Variants in SLC38A1 observed in about 807,000 individuals in gnomAD.
The protein encoded by SLC38A1 is sodium-coupled neutral amino acid symporter 1.
In SLC38A1, 18 loss-of-function variants were observed where a neutral mutation model predicts 60.3. The observed-to-expected ratio is 0.30, with a 90% CI of 0.21 to 0.44. SLC38A1 has a LOEUF of 0.44. Among genes scored for constraint, SLC38A1 ranks in the 20% least tolerant of loss-of-function variants. The pLI is 1.00. For missense variants in SLC38A1, 448 were observed against 587.2 expected (o/e 0.76, Z 2.45); for synonymous variants, 196 against 212.1 (o/e 0.92, Z 0.66).
intron 5 of SLC38A1, among the ~76,000 whole-genome samples, chr12:46,217,980 G>A (rs1297826652): frequency 2.0e-5 from 3 of 152,188 alleles, no homozygotes; most frequent in South Asian, 2.1e-4. Flanking sequence ...ATGCATTGCT[G>A]ATGGCCAATT....
At chr12:46,252,698 T>A (rs1331779233) in intron 1 of SLC38A1, among the ~76,000 whole-genome samples, 1 of 152,020 alleles carries the variant, frequency 6.6e-6, no homozygotes, top group Non-Finnish European at 1.5e-5. Flanking sequence ...CATATATATA[T>A]ATAATTGTTG....
chr12:46,258,385 T>C (rs902693789), intron 1 of SLC38A1, among the ~76,000 whole-genome samples: 1 of 152,204 alleles, frequency 6.6e-6, no homozygotes, highest in Non-Finnish European at 1.5e-5. Flanking sequence ...GATTTTGGAA[T>C]ATTTGCATAC....
chr12:46,252,612 A>G (rs1460044719), intron 1 of SLC38A1, among the ~76,000 whole-genome samples: 2 of 151,956 alleles, frequency 1.3e-5, no homozygotes. Flanking sequence ...GTTAGAAAAT[A>G]CAATTTTTCA....
At chr12:46,235,978 G>T (rs1941245624) in intron 3 of SLC38A1, among the ~76,000 whole-genome samples, 1 of 152,168 alleles carries the variant, frequency 6.6e-6, no homozygotes, top group East Asian at 1.9e-4. Context: ...AAAACCTAGA[G>T]CAATGTCATT....
At chr12:46,239,384 G>A (rs1385290761) in intron 3 of SLC38A1, 1 of 194,292 alleles carries the variant, frequency 5.1e-6, no homozygotes, top group Non-Finnish European at 1.1e-5. Context: ...TAGTGCAGTG[G>A]CATGATCTCG....
At position 46,207,249 on chromosome 12, in the gene SLC38A1, G is replaced by T; in HGVS notation, c.482-13C>A. The T allele has an allele frequency of 6.2e-7, 1 of 1,603,290 alleles. No individual in the cohort carries two copies. The highest frequency in any genetic ancestry group is 8.5e-7 in the Non-Finnish European group (1 of 1,172,624). ...TAGCTCAGCATTGCTGAAGGAAAAT[G>T]AGAACATTTTTAGAAAGAAGATACG... On this transcript the variant is annotated splice_polypyrimidine_tract_variant and intron_variant, in intron 7 of 16. Coordinates refer to ENST00000398637, the MANE Select transcript of SLC38A1 (RefSeq NM_030674.4).
At chr12:46,247,536 G>C (rs966484296) in intron 1 of SLC38A1, among the ~76,000 whole-genome samples, 3 of 152,222 alleles carry the variant, frequency 2.0e-5, no homozygotes, top group Non-Finnish European at 2.9e-5. Flanking sequence ...GGGACTATGT[G>C]AAGAGACCAA....
intron 16 of SLC38A1, chr12:46,196,126 A>C: frequency 6.5e-7 from 1 of 1,534,492 alleles, no homozygotes; most frequent in Non-Finnish European, 8.7e-7. Flanking sequence ...GTGAGAACAG[A>C]CTAATACAGA....
Position 46,249,155 on chromosome 12 carries a change from CA to C in SLC38A1, c.-208-5842del, listed in dbSNP as rs59948188. On this transcript the variant is annotated intron_variant, in intron 1 of 16. Coordinates refer to ENST00000398637, the MANE Select transcript of SLC38A1 (RefSeq NM_030674.4). ...AGGGTGATAGAGTGAGACTCCGCCTCAAAAAAAAAAAAAAAAAAAAGAAACT... is the reference window on the plus strand; with the variant it reads ...AGGGTGATAGAGTGAGACTCCGCCTCAAAAAAAAAAAAAAAAAAAGAAACT... Among the ~76,000 whole-genome samples the C allele has an allele frequency of 3.1e-3, 142 of 46,510 alleles. 1 individual carries two copies. Among genetic ancestry groups the C allele is most frequent in the Middle Eastern group, 9.6e-3 (1 of 104 alleles). 30.5% of individuals were successfully genotyped at this position (46,510 alleles called of 152,430 possible). A position where few individuals can be genotyped will look rare whatever the true frequency, so the allele number is the denominator to read the frequency against.
chr12:46,210,616 C>T (rs953686083), intron 5 of SLC38A1, among the ~76,000 whole-genome samples: 1 of 152,010 alleles, frequency 6.6e-6, no homozygotes, highest in African/African-American at 2.4e-5. Flanking sequence ...TTGGGAGGGA[C>T]CCGGTGGGAG....
intron 16 of SLC38A1, among the ~76,000 whole-genome samples, chr12:46,190,417 G>A (rs1007137544): frequency 7.2e-5 from 11 of 152,288 alleles, no homozygotes; most frequent in South Asian, 2.1e-4. Context: ...TGTCTTTATA[G>A]TAGCATGATT....
At chr12:46,189,168 G>T in intron 16 of SLC38A1, 97 bp from the exon 17 acceptor site, 1 of 785,070 alleles carries the variant, frequency 1.3e-6, no homozygotes. Flanking sequence ...CTCTCCCTTT[G>T]TGTCCTCTGG....
intron 13 of SLC38A1, among the ~76,000 whole-genome samples, chr12:46,200,534 G>A (rs950044059): frequency 2.0e-5 from 3 of 152,042 alleles, no homozygotes; most frequent in Non-Finnish European, 2.9e-5. Context: ...AGCAGTAAAC[G>A]CCGGTAAACT....
chr12:46,260,808 TAC>T (rs888170899), intron 1 of SLC38A1, among the ~76,000 whole-genome samples: 3 of 152,176 alleles, frequency 2.0e-5, no homozygotes, highest in Non-Finnish European at 4.4e-5. Context: ...CCTTATTCCT[TAC>T]AGTTTCACAG....
At chr12:46,265,903 C>A (rs368819456) in intron 1 of SLC38A1, among the ~76,000 whole-genome samples, 2 of 152,232 alleles carry the variant, frequency 1.3e-5, no homozygotes, top group East Asian at 3.9e-4. Flanking sequence ...TCATATGTCT[C>A]CAAGTCTAGG....
rs1940015264 is a variant in SLC38A1 at position 46,208,664 on chromosome 12, T to G, written c.388+390A>C. 4.6e-5 allele frequency among the ~76,000 whole-genome samples: 7 copies of G among 152,220 alleles called. No homozygotes were observed. In the South Asian group the frequency reaches 1.2e-3, roughly 27 times the overall value. ...CAGGAGTAACACTTTCTCCTTGGAA[T>G]ATGCACAAGAGAATGACAGGTCTGT... is the stretch of plus-strand genomic sequence containing the variant. On this transcript the variant is annotated intron_variant, in intron 6 of 16. Coordinates refer to ENST00000398637, the MANE Select transcript of SLC38A1 (RefSeq NM_030674.4).
At position 46,185,877 on chromosome 12, in the gene SLC38A1, T is replaced by A. The variant is rs1183306522; in HGVS notation, c.*3093A>T. The A allele has an allele frequency of 3.3e-5, 5 of 152,176 alleles. No individual in the cohort carries two copies. Among genetic ancestry groups the A allele is most frequent in the Admixed American group, 2.6e-4 (4 of 15,276 alleles). 9.4% of individuals were successfully genotyped at this position (152,176 alleles called of 1,614,324 possible). ...TTCAGGCCAATCTGGTCACCTGTAG[T>A]CTGGTGGCATCTCTACCCCTACTGT... On this transcript the variant is annotated 3_prime_UTR_variant, in exon 17 of 17. Transcript: ENST00000398637.
At chr12:46,206,888 G>T (rs948547103) in intron 8 of SLC38A1, among the ~76,000 whole-genome samples, 2 of 152,140 alleles carry the variant, frequency 1.3e-5, no homozygotes, top group African/African-American at 4.8e-5. Flanking sequence ...ACAGAAACTA[G>T]ATATAGATTT....
intron 1 of SLC38A1, among the ~76,000 whole-genome samples, chr12:46,257,643 G>A (rs1405062396): frequency 6.6e-6 from 1 of 151,952 alleles, no homozygotes; most frequent in Admixed American, 6.6e-5. Context: ...TTGAGTTGGG[G>A]GTTTCCTCAC....
Sources: allele counts gnomAD v4.1 joint callset (sites outside exome capture counted in the v4.1 genomes callset), GRCh38; gene constraint gnomAD v4.1.1; transcripts MANE v1.5; gene names NCBI Gene and HGNC (gene_info 2026-07-23, HGNC 2026-07-21).